AGMO: variants seen among roughly 807,000 people sequenced by gnomAD.
AGMO encodes alkylglycerol monooxygenase.
In AGMO, 75 loss-of-function variants were observed where a neutral mutation model predicts 60.2. That is an observed-to-expected ratio of 1.25 (90% confidence interval 1.03 to 1.51). The LOEUF is 1.51. Among genes scored for constraint, AGMO ranks in the 40% most tolerant of loss-of-function variants. The probability of loss-of-function intolerance (pLI) is 0.00; values close to 1 mark genes in which losing one functional copy is unlikely to be tolerated. For synonymous variants in AGMO, 261 were observed against 177.1 expected (o/e 1.47, Z -3.76); for missense variants, 763 against 525.5 (o/e 1.45, Z -4.42).
At chr7:15,224,528 T>G (rs1171828592) in intron 12 of AGMO, among the ~76,000 whole-genome samples, 1 of 152,006 alleles carries the variant, frequency 6.6e-6, no homozygotes, top group Non-Finnish European at 1.5e-5. Context: ...ACCTGGGTCT[T>G]GGACTTTCCA....
At chr7:15,322,055 C>G (rs992906233) in intron 12 of AGMO, among the ~76,000 whole-genome samples, 5 of 152,034 alleles carry the variant, frequency 3.3e-5, no homozygotes, top group African/African-American at 1.2e-4. Context: ...CATGTAGTCT[C>G]AGCTACTCAG....
At chr7:15,176,915 G>A in the AGMO span, among the ~76,000 whole-genome samples, 5 of 151,950 alleles carry the variant, frequency 3.3e-5, no homozygotes, top group Admixed American at 1.3e-4. Flanking sequence ...GGGACCAAGA[G>A]TCAAAAAGAC....
chr7:15,323,719 C>T (rs999289063), intron 12 of AGMO, among the ~76,000 whole-genome samples: 2 of 152,212 alleles, frequency 1.3e-5, no homozygotes, highest in Non-Finnish European at 2.9e-5. Flanking sequence ...AGACTGCCTC[C>T]TGACTCTGGG....
chr7:15,133,413 A>G, the AGMO span, among the ~76,000 whole-genome samples: 1 of 152,274 alleles, frequency 6.6e-6, no homozygotes, highest in Non-Finnish European at 1.5e-5. Flanking sequence ...GTTTCAGTTG[A>G]GTAGTTATTG....
the AGMO span, among the ~76,000 whole-genome samples, chr7:15,130,463 C>G: frequency 6.6e-6 from 1 of 152,030 alleles, no homozygotes; most frequent in East Asian, 1.9e-4. Context: ...ACTCTCCACT[C>G]AGGCCCCCTA....
intron 12 of AGMO, among the ~76,000 whole-genome samples, chr7:15,282,068 A>T: frequency 6.6e-6 from 1 of 152,272 alleles, no homozygotes; most frequent in South Asian, 2.1e-4. Flanking sequence ...GAAATTTTAA[A>T]AAACAATAAA....
At chr7:15,125,968 T>G in the AGMO span, among the ~76,000 whole-genome samples, 2 of 152,142 alleles carry the variant, frequency 1.3e-5, no homozygotes, top group Non-Finnish European at 2.9e-5. Context: ...ACTTAACAGG[T>G]ACTTAATAGT....
At chr7:15,392,755 T>G (rs977390769) in intron 6 of AGMO, among the ~76,000 whole-genome samples, 1 of 152,000 alleles carries the variant, frequency 6.6e-6, no homozygotes, top group Non-Finnish European at 1.5e-5. Context: ...GCCCAGATTG[T>G]GCCACTACAC....
At chr7:15,283,712 C>T (rs1042896616) in intron 12 of AGMO, among the ~76,000 whole-genome samples, 4 of 152,124 alleles carry the variant, frequency 2.6e-5, no homozygotes, top group Middle Eastern at 3.4e-3. Flanking sequence ...ACTTACACTA[C>T]ACTCTAGAAC....
the AGMO span, among the ~76,000 whole-genome samples, chr7:15,150,308 T>A: frequency 6.6e-6 from 1 of 152,106 alleles, no homozygotes; most frequent in Non-Finnish European, 1.5e-5. Flanking sequence ...TCTTGCCTGA[T>A]TGCTCTGGCT....
At chr7:15,523,874 A>T (rs1784060987) in intron 3 of AGMO, among the ~76,000 whole-genome samples, 1 of 152,170 alleles carries the variant, frequency 6.6e-6, no homozygotes, top group Non-Finnish European at 1.5e-5. Flanking sequence ...AAAATATAGC[A>T]TTTAACTTAC....
In AGMO at chr7:15,361,538, T is replaced by TC. The variant is rs1583457335; in HGVS notation, c.1263+3975dup. 1.7e-4 allele frequency among the ~76,000 whole-genome samples: 4 copies of TC among 24,002 alleles called. No individual in the cohort carries two copies. In the East Asian group the frequency reaches 3.5e-3, roughly 21 times the overall value. The allele number at this position is 24,002 out of a possible 152,430, so 15.7% of individuals were successfully genotyped here. On this transcript the variant is annotated intron_variant, in intron 12 of 12. Transcript: ENST00000342526. ...CTGGGCAACAGAGCGAGACTGTGTC[T>TC]CAAAAAAAAAAAAAAAGGTTTTGAG...
intron 5 of AGMO, among the ~76,000 whole-genome samples, chr7:15,407,034 T>C (rs1784721040): frequency 6.9e-6 from 1 of 144,932 alleles, no homozygotes; most frequent in African/African-American, 2.5e-5. Context: ...TATATGTATA[T>C]ACACACATAT....
intron 3 of AGMO, among the ~76,000 whole-genome samples, chr7:15,462,444 A>G (rs1193292996): frequency 6.6e-6 from 1 of 152,176 alleles, no homozygotes; most frequent in East Asian, 1.9e-4. Context: ...CCTGTCGTAC[A>G]CAACATTGGA....
intron 3 of AGMO, among the ~76,000 whole-genome samples, chr7:15,456,518 C>A (rs1414665718): frequency 6.6e-6 from 1 of 152,100 alleles, no homozygotes; most frequent in African/African-American, 2.4e-5. Context: ...ACTTCTCTTG[C>A]CCTCAGCTCT....
At chr7:15,443,347 C>T (rs1276053687) in intron 3 of AGMO, among the ~76,000 whole-genome samples, 10 of 152,160 alleles carry the variant, frequency 6.6e-5, no homozygotes, top group Admixed American at 6.5e-4. Flanking sequence ...TCTTCATGTT[C>T]CCCCTAGAGC....
the AGMO span, among the ~76,000 whole-genome samples, chr7:15,128,465 C>A: frequency 6.6e-6 from 1 of 151,966 alleles, no homozygotes; most frequent in Admixed American, 6.6e-5. Context: ...TGTTTATATG[C>A]TTGCTATGGA....
chr7:15,354,395 CACGTGTGTGTACACACGTGTGT>C (rs1782398378), intron 12 of AGMO, among the ~76,000 whole-genome samples: 1 of 37,922 alleles, frequency 2.6e-5, no homozygotes, highest in Non-Finnish European at 4.2e-5. Flanking sequence ...TGTGTGTATA[CACGTGTGTGTACACACGTGTGT>C]GTATACACAC....
chr7:15,375,068 C>CAG (rs1783392235), intron 10 of AGMO, among the ~76,000 whole-genome samples: 1 of 152,014 alleles, frequency 6.6e-6, no homozygotes, highest in African/African-American at 2.4e-5. Flanking sequence ...GGTTGTGCCT[C>CAG]AGTATTGGGT....
Sources: allele counts gnomAD v4.1 joint callset (sites outside exome capture counted in the v4.1 genomes callset), GRCh38; gene constraint gnomAD v4.1.1; transcripts MANE v1.5; gene names NCBI Gene and HGNC (gene_info 2026-07-23, HGNC 2026-07-21).